MALAT1: variants seen among roughly 807,000 people sequenced by gnomAD.
MALAT1 encodes hepcarcin.
At chr11:65,502,336 G>A (rs1196167172) in exon 3 of MALAT1, 1 of 515,156 alleles carries the variant, frequency 1.9e-6, no homozygotes, top group Non-Finnish European at 3.9e-6. Context: ...GCAGAGCAAA[G>A]GAAGTGGCTT....
chr11:65,502,902 T>A (rs762347318), exon 3 of MALAT1: 10 of 492,264 alleles, frequency 2.0e-5, no homozygotes, highest in Non-Finnish European at 3.2e-5. Context: ...TGTCAAGCTA[T>A]AACCACAAAA....
chr11:65,502,659 T>C (rs1283244412), exon 3 of MALAT1: 2 of 484,876 alleles, frequency 4.1e-6, no homozygotes, highest in Middle Eastern at 3.4e-4. Context: ...TAACATCTTC[T>C]GAGTCATAAC....
chr11:65,505,362 A>G (rs1854658883), intron 3 of MALAT1: 2 of 517,926 alleles, frequency 3.9e-6, no homozygotes, highest in Non-Finnish European at 7.7e-6. Context: ...GAAGCATCCG[A>G]AGGAATGCTT....
intron 3 of MALAT1, chr11:65,505,531 G>T (rs757294560): frequency 5.8e-6 from 3 of 515,896 alleles, no homozygotes; most frequent in South Asian, 4.2e-5. Flanking sequence ...TAAAAGCAAG[G>T]TCTCCCCACA....
chr11:65,499,594 C>G (rs1165587530), exon 3 of MALAT1: 2 of 451,034 alleles, frequency 4.4e-6, no homozygotes, highest in African/African-American at 4.0e-5. Context: ...TAAACGCAGA[C>G]GAAAATGGAA....
exon 3 of MALAT1, chr11:65,499,724 A>G (rs1029574243): frequency 4.6e-6 from 2 of 433,196 alleles, no homozygotes; most frequent in East Asian, 7.1e-5. Context: ...GGAAATTAGA[A>G]GATAAAAACA....
chr11:65,505,267 T>G (rs781224645), intron 3 of MALAT1: 1 of 518,664 alleles, frequency 1.9e-6, no homozygotes, highest in Non-Finnish European at 3.9e-6. Context: ...AACAAAGCGC[T>G]ATTATCCTAA....
At chr11:65,503,268 A>G (rs1429011408) in exon 3 of MALAT1, 2 of 517,154 alleles carry the variant, frequency 3.9e-6, no homozygotes, top group Admixed American at 2.0e-5. Context: ...GTTCTTAAAT[A>G]TCAACCATGG....
chr11:65,499,455 AGTTGTAGGTGATTAAAATAATTTGAAGGC>A, exon 3 of MALAT1: 1 of 467,894 alleles, frequency 2.1e-6, no homozygotes, highest in South Asian at 1.6e-5. Context: ...TTAGTTTAAA[AGTTGTAGGTGATTAAAATAATTTGAAGGC>A]GATCTTTTAA....
exon 3 of MALAT1, chr11:65,499,709 G>GA (rs1311082692): frequency 2.3e-6 from 1 of 432,910 alleles, no homozygotes; most frequent in African/African-American, 2.1e-5. Context: ...GAATAGAGAA[G>GA]ATAGGGAAAT....
intron 1 of MALAT1, chr11:65,498,607 C>G (rs1321337590): frequency 1.9e-6 from 1 of 518,754 alleles, no homozygotes; most frequent in Non-Finnish European, 3.8e-6. Context: ...CTCAACCGTC[C>G]CTGCAAGGCT....
At chr11:65,506,083 G>A (rs1376886519) in intron 3 of MALAT1, 2 of 412,064 alleles carry the variant, frequency 4.9e-6, no homozygotes, top group Admixed American at 3.3e-5. Context: ...TTGCTTTTTG[G>A]CCTTTTTCTA....
chr11:65,505,518 T>C, intron 3 of MALAT1: 3 of 515,798 alleles, frequency 5.8e-6, no homozygotes, highest in South Asian at 2.8e-5. Flanking sequence ...TCCAGAAGCC[T>C]GTTAAAAGCA....
At chr11:65,498,554 G>A (rs571981453) in intron 1 of MALAT1, 8 of 518,574 alleles carry the variant, frequency 1.5e-5, no homozygotes, top group Non-Finnish European at 2.3e-5. Context: ...CAAGTCGCAG[G>A]ACTGCAAGCA....
chr11:65,497,889 G>A (rs780295811), intron 1 of MALAT1: 5 of 518,714 alleles, frequency 9.6e-6, no homozygotes, highest in Non-Finnish European at 1.9e-5. Flanking sequence ...GACGCCTCCG[G>A]GAGCCCAGGT....
intron 3 of MALAT1, chr11:65,504,829 G>C (rs758599081): frequency 1.9e-6 from 1 of 518,948 alleles, no homozygotes; most frequent in Admixed American, 1.9e-5. Context: ...GGAACACTCA[G>C]CAGACACACG....
At chr11:65,502,923 G>T (rs561051925) in exon 3 of MALAT1, 5 of 493,504 alleles carry the variant, frequency 1.0e-5, no homozygotes, top group South Asian at 7.4e-5. Context: ...ATAATGAATT[G>T]ATGAGAAATA....
rs575564715 is a variant in MALAT1, at chr11:65,497,828, C to T, written n.141C>T. The T allele has an allele frequency of 1.1e-4, 54 of 513,968 alleles. No homozygotes were observed. In the East Asian group the frequency reaches 2.5e-3, roughly 23 times the overall value. The allele number at this position is 513,968 out of a possible 1,614,324, so 31.8% of individuals were successfully genotyped here. A position where few individuals can be genotyped will look rare whatever the true frequency, so the allele number is the denominator to read the frequency against. ...TAAGCGCAGCGCCATTTTAGCAACG[C>T]AGAAGCCCGGCGCCGGGAAGCCTCA... On this transcript the variant is annotated non_coding_transcript_exon_variant, in exon 1 of 4. Transcript: ENST00000619449.
exon 3 of MALAT1, chr11:65,502,830 T>C (rs1239728054): frequency 2.0e-6 from 1 of 505,616 alleles, no homozygotes; most frequent in Non-Finnish European, 3.9e-6. Flanking sequence ...GCCAAAAAAT[T>C]TTAAGCAAAT....
Sources: gnomAD v4.1 joint callset for allele counts on GRCh38, gnomAD v4.1.1 for gene constraint, MANE v1.5 for transcripts, NCBI Gene and HGNC (gene_info 2026-07-23, HGNC 2026-07-21) for gene names.